Variants in TMEM218 observed in about 807,000 individuals in gnomAD.
TMEM218 encodes the protein transmembrane protein 218.
A neutral mutation model predicts 10.0 loss-of-function variants in TMEM218; 8 were observed. That is an observed-to-expected ratio of 0.80 (90% CI 0.47 to 1.44). TMEM218 has a LOEUF of 1.44. TMEM218 is among the 40% of genes most tolerant of loss of function. The pLI, the probability that TMEM218 is intolerant of heterozygous loss-of-function variation, is 0.00. For synonymous variants in TMEM218, 66 were observed against 63.5 expected, an observed-to-expected ratio of 1.04 and a Z score of -0.18; for missense variants, 110 against 140.1, an observed-to-expected ratio of 0.79 and a Z score of 1.08.
rs1949432571 is a variant in TMEM218 at position 125,094,860 on chromosome 11, C to T, written c.*2746G>A. ...CTAGACACCTTACAGCCTAGTTCTT[C>T]CATGGGCTTACTCCACCAGGACTAG... On this transcript the variant is annotated 3_prime_UTR_variant, in exon 5 of 5. Coordinates refer to ENST00000682305, the MANE Select transcript of TMEM218 (RefSeq NM_001258244.2). 6.6e-6 allele frequency among the ~76,000 whole-genome samples: 1 copy of T among 152,174 alleles called. No individual in the cohort carries two copies. The highest frequency in any genetic ancestry group is 1.5e-5 in the Non-Finnish European group (1 of 68,034).
chr11:125,099,272 T>C (rs1364278963), intron 4 of TMEM218, among the ~76,000 whole-genome samples: 1 of 152,208 alleles, frequency 6.6e-6, no homozygotes, highest in Non-Finnish European at 1.5e-5. Flanking sequence ...TTGGCTCCGG[T>C]ACTGAACAAG....
Position 125,097,701 on chromosome 11 carries a change from C to G in TMEM218, c.253G>C (p.Ala85Pro). The change falls in exon 5 of 5, where the codon GCT becomes CCT. Residue 85 changes from alanine to proline, a missense_variant. Ala to Pro is a conservative substitution (Grantham distance 27). Transcript: ENST00000682305. ...CCAAGGAAGATGGCACTAAGGAAAG[C>G]CAGCAGGACATAGCGGCCAATGAAA... ...DFFIGRYVLLAFLSAIFLGGL... is the reference protein window; with the variant it reads ...DFFIGRYVLLPFLSAIFLGGL... 6.2e-7 allele frequency: 1 copy of G among 1,614,078 alleles called. No individual in the cohort carries two copies. Among genetic ancestry groups the G allele is most frequent in the Admixed American group, 1.7e-5 (1 of 60,012 alleles).
At position 125,102,763 on chromosome 11, in the gene TMEM218, C is replaced by T. The variant is rs2135793621; in HGVS notation, c.-106G>A. On this transcript the variant is annotated 5_prime_UTR_variant, in exon 2 of 5. Transcript: ENST00000682305. ...CAATGGATCACAAGACAGAAAGTTC[C>T]CACTCTGTTGTCGAGTTCTTATTCA... is the stretch of plus-strand genomic sequence containing the variant. The T allele has an allele frequency of 8.0e-7, 1 of 1,254,310 alleles. No individual in the cohort carries two copies. The highest frequency in any genetic ancestry group is 5.6e-5 in the East Asian group (1 of 17,802). 77.7% of individuals were successfully genotyped at this position (1,254,310 alleles called of 1,614,324 possible).
At chr11:125,100,255 C>T (rs927048259) in intron 4 of TMEM218, among the ~76,000 whole-genome samples, 2 of 152,190 alleles carry the variant, frequency 1.3e-5, no homozygotes, top group East Asian at 3.9e-4. Context: ...ATTTTGAAGA[C>T]GGACCTCAGC....
chr11:125,101,694 A>G (rs1950824272), intron 3 of TMEM218: 2 of 553,570 alleles, frequency 3.6e-6, no homozygotes, highest in Non-Finnish European at 6.2e-6. Flanking sequence ...GTGCAACTCT[A>G]GTGTTTTCAG....
rs1949632428 is a variant in TMEM218 at position 125,096,235 on chromosome 11, T to C, written c.*1371A>G. 6.6e-6 allele frequency among the ~76,000 whole-genome samples: 1 copy of C among 152,228 alleles called. No homozygotes were observed. Among genetic ancestry groups the C allele is most frequent in the Admixed American group, 6.5e-5 (1 of 15,288 alleles). On this transcript the variant is annotated 3_prime_UTR_variant, in exon 5 of 5. Coordinates refer to ENST00000682305, the MANE Select transcript of TMEM218 (RefSeq NM_001258244.2). ...GCCCATGACTCTCAGTGGTTACCTG[T>C]TCTCTCTTCTTGGAATTTAGAGCTT...
chr11:125,095,628 G>T lies in TMEM218; in HGVS notation c.*1978C>A, dbSNP rs1361777331. Among the ~76,000 whole-genome samples the T allele has an allele frequency of 6.7e-6, 1 of 149,998 alleles. No homozygotes were observed. Among genetic ancestry groups the T allele is most frequent in the Non-Finnish European group, 1.5e-5 (1 of 67,682 alleles). On this transcript the variant is annotated 3_prime_UTR_variant, in exon 5 of 5. Transcript: ENST00000682305. ...CAAGCTGAAATAAACTTTGCACAGG[G>T]TATTTTTTTTTTTTTCCTAAAGCCA...
chr11:125,107,323 G>C (rs1399401996), intron 1 of TMEM218, among the ~76,000 whole-genome samples: 6 of 152,034 alleles, frequency 3.9e-5, no homozygotes, highest in South Asian at 2.1e-4. Flanking sequence ...ATACTTTTCT[G>C]TATGTGTATT....
chr11:125,100,438 C>T (rs1950525657), intron 4 of TMEM218, among the ~76,000 whole-genome samples: 1 of 152,178 alleles, frequency 6.6e-6, no homozygotes, highest in South Asian at 2.1e-4. Flanking sequence ...TGGCACAGGA[C>T]CTGGCACACG....
chr11:125,102,420 T>A, intron 2 of TMEM218, 103 bp from the exon 3 acceptor site: 2 of 1,498,056 alleles, frequency 1.3e-6, no homozygotes, highest in Non-Finnish European at 1.8e-6. Context: ...AGGTCATTAA[T>A]TTTCAGAAAT....
intron 3 of TMEM218, 86 bp downstream of exon 3, chr11:125,102,046 T>C: frequency 7.2e-7 from 1 of 1,390,900 alleles, no homozygotes; most frequent in Middle Eastern, 2.7e-4. Context: ...AAAACTGATC[T>C]CTTAAATTCT....
At position 125,095,862 on chromosome 11, in the gene TMEM218, A is replaced by G. The variant is rs73615727; in HGVS notation, c.*1744T>C. Among the ~76,000 whole-genome samples the G allele has an allele frequency of 0.072, 10,911 of 152,182 alleles. 772 individuals are homozygous for G. Among genetic ancestry groups the G allele is most frequent in the African/African-American group, 0.18 (7,489 of 41,462 alleles). ...AAGATGGATTCATGGTCAGGAACCT[A>G]TAAGAGTTTTCCCAGAGTTACTTTT... On this transcript the variant is annotated 3_prime_UTR_variant, in exon 5 of 5. Coordinates refer to ENST00000682305, the MANE Select transcript of TMEM218 (RefSeq NM_001258244.2).
Position 125,097,408 on chromosome 11 carries a change from A to G in TMEM218, c.*198T>C. 1.9e-6 allele frequency: 1 copy of G among 516,872 alleles called. No homozygotes were observed. Among genetic ancestry groups the G allele is most frequent in the Non-Finnish European group, 3.3e-6 (1 of 299,382 alleles). The allele number at this position is 516,872 out of a possible 1,614,324, so 32.0% of individuals were successfully genotyped here. ...GCAATATCCTTCTTAAGCTGGTAAGAATCTAGCCCCACAGGGACAATTTGG... is the reference window on the plus strand; with the variant it reads ...GCAATATCCTTCTTAAGCTGGTAAGGATCTAGCCCCACAGGGACAATTTGG... On this transcript the variant is annotated 3_prime_UTR_variant, in exon 5 of 5. Transcript: ENST00000682305.
chr11:125,099,123 T>C (rs1950200144), intron 4 of TMEM218, among the ~76,000 whole-genome samples: 2 of 152,180 alleles, frequency 1.3e-5, no homozygotes, highest in South Asian at 2.1e-4. Context: ...ACAGCGGCCA[T>C]ACACAAAGTA....
At chr11:125,100,339 T>C (rs1343785215) in intron 4 of TMEM218, among the ~76,000 whole-genome samples, 2 of 152,224 alleles carry the variant, frequency 1.3e-5, no homozygotes, top group Non-Finnish European at 2.9e-5. Context: ...TCAGTGTTCT[T>C]ACCTATAAAA....
chr11:125,099,128 A>G (rs908515042), intron 4 of TMEM218, among the ~76,000 whole-genome samples: 1 of 152,222 alleles, frequency 6.6e-6, no homozygotes, highest in African/African-American at 2.4e-5. Flanking sequence ...GGCCATACAC[A>G]AAGTATCTCT....
intron 1 of TMEM218, chr11:125,105,050 T>C (rs1193074742): frequency 6.6e-6 from 1 of 152,130 alleles, no homozygotes; most frequent in Non-Finnish European, 1.5e-5. Context: ...ATGAGAACAA[T>C]GCAGAAAGCT....
chr11:125,105,524 T>C (rs184427771), intron 1 of TMEM218, among the ~76,000 whole-genome samples: 145 of 152,250 alleles, frequency 9.5e-4, no homozygotes, highest in Non-Finnish European at 1.4e-3. Context: ...TATTAAGAAA[T>C]ATTGACAGTA....
At chr11:125,102,693 G>A in intron 2 of TMEM218, 41 bp downstream of exon 2, 1 of 1,291,334 alleles carries the variant, frequency 7.7e-7, no homozygotes, top group Non-Finnish European at 1.0e-6. Context: ...AGCAGAAGTT[G>A]AAGCTCTCAG....
Sources: allele counts gnomAD v4.1 joint callset (sites outside exome capture counted in the v4.1 genomes callset), GRCh38; gene constraint gnomAD v4.1.1; transcripts MANE v1.5; gene names NCBI Gene and HGNC (gene_info 2026-07-23, HGNC 2026-07-21).